CTSO: variants seen among roughly 807,000 people sequenced by gnomAD.
CTSO encodes the protein cathepsin O.
A neutral mutation model predicts 42.4 loss-of-function variants in CTSO; 40 were observed. The observed-to-expected ratio is 0.94, with a 90% CI of 0.73 to 1.23. The LOEUF (loss-of-function observed/expected upper bound fraction) is 1.23. CTSO is among the 50% of genes most tolerant of loss of function. The pLI, the probability that CTSO is intolerant of heterozygous loss-of-function variation, is 0.00. For missense variants in CTSO, 441 were observed against 396.0 expected, an observed-to-expected ratio of 1.11 and a Z score of -0.96; for synonymous variants, 156 against 146.2, an observed-to-expected ratio of 1.07 and a Z score of -0.48.
At chr4:155,939,922 A>G (rs116806467) in intron 3 of CTSO, among the ~76,000 whole-genome samples, 2,444 of 152,112 alleles carry the variant, frequency 0.016, 34 homozygotes, top group South Asian at 0.047. Context: ...TCCCGCCCCA[A>G]CCTTCCATCC....
rs142851384 is a variant in CTSO at position 155,929,631 on chromosome 4, C to T, written c.749G>A (p.Trp250Ter). Residue 250 changes from tryptophan (W) to a stop codon, truncating the protein, a stop_gained, in exon 6 of 8, where the codon TGG becomes TAG. Coordinates refer to ENST00000433477, the MANE Select transcript of CTSO (RefSeq NM_001334.3). LOFTEE classifies it high-confidence loss of function. ...TATAATGCCTCCCAGATAATCTTGC[C>T]AGCTCACTGCATCTACTATGACTAC... is the stretch of plus-strand genomic sequence containing the variant. ...PLVVIVDAVSWQDYLGGIIQH... is the reference protein window; with the variant it reads ...PLVVIVDAVS 15 of 1,613,944 alleles carry T rather than the reference C, an allele frequency of 9.3e-6. No homozygotes were observed. Among genetic ancestry groups the T allele is most frequent in the Non-Finnish European group, 1.2e-5 (14 of 1,179,986 alleles).
chr4:155,945,205 C>G (rs1039770011), intron 1 of CTSO, among the ~76,000 whole-genome samples: 1 of 151,626 alleles, frequency 6.6e-6, no homozygotes, highest in African/African-American at 2.4e-5. Context: ...TGCAGTGAGC[C>G]GAGATCACAG....
At chr4:155,948,619 G>C (rs1488314409) in intron 1 of CTSO, among the ~76,000 whole-genome samples, 1 of 152,166 alleles carries the variant, frequency 6.6e-6, no homozygotes, top group East Asian at 1.9e-4. Flanking sequence ...CATAAAACAG[G>C]ATAACTCTAT....
rs1259352776 is a variant in CTSO at position 155,939,545 on chromosome 4, A to AGG, written c.385-8_385-7insCC. ...AGGCCCAGCATCCTCCACACTGTTT[A>AGG]AAAACAGAAAAAGGGGTGGTATTTC... On this transcript the variant is annotated splice_polypyrimidine_tract_variant and splice_region_variant and intron_variant, in intron 3 of 7. Transcript: ENST00000433477. 6.3e-7 allele frequency: 1 copy of AGG among 1,598,044 alleles called. No homozygotes were observed. The highest frequency in any genetic ancestry group is 1.3e-5 in the African/African-American group (1 of 74,566).
chr4:155,949,343 A>T (rs1012323195), intron 1 of CTSO, among the ~76,000 whole-genome samples: 4 of 152,196 alleles, frequency 2.6e-5, no homozygotes, highest in African/African-American at 9.7e-5. Context: ...TTATCAGCTG[A>T]AAAGGCAGTG....
chr4:155,932,424 A>G (rs977522184), intron 5 of CTSO, among the ~76,000 whole-genome samples: 21 of 152,162 alleles, frequency 1.4e-4, no homozygotes, highest in African/African-American at 4.8e-4. Context: ...TTATTGAAGT[A>G]CAAAGGACCA....
In CTSO at chr4:155,925,007, C is replaced by G. The variant is rs1743105641; in HGVS notation, c.*1029G>C. 1 of 151,922 alleles carries G rather than the reference C, an allele frequency of 6.6e-6. No individual in the cohort carries two copies. Among genetic ancestry groups the G allele is most frequent in the Admixed American group, 6.6e-5 (1 of 15,228 alleles). The allele number at this position is 151,922 out of a possible 1,614,324, so 9.4% of individuals were successfully genotyped here. On this transcript the variant is annotated 3_prime_UTR_variant, in exon 8 of 8. Coordinates refer to ENST00000433477, the MANE Select transcript of CTSO (RefSeq NM_001334.3). ...GGAAAACTCACAGTTTGTTTGATAC[C>G]CAGGGTTAAGAGATGGGACTTTGAT...
chr4:155,929,490 G>T (rs1055713213), intron 6 of CTSO, 52 bp downstream of exon 6: 30 of 1,546,642 alleles, frequency 1.9e-5, no homozygotes, highest in East Asian at 4.5e-5. Context: ...TGATCATTTT[G>T]CACTCAGTGT....
intron 5 of CTSO, among the ~76,000 whole-genome samples, chr4:155,931,806 T>A (rs978172059): frequency 8.0e-5 from 12 of 150,890 alleles, no homozygotes; most frequent in African/African-American, 4.8e-5. Context: ...GAATTATTAT[T>A]ATAATTATTA....
rs564772578 is a variant in CTSO, at chr4:155,940,439, G to A, written c.385-901C>T. ...CAATTGGATATCTTTGCAGAGTTAAGTTTTGAGCAACTTTATGGCTTTAAG... is the reference window on the plus strand; with the variant it reads ...CAATTGGATATCTTTGCAGAGTTAAATTTTGAGCAACTTTATGGCTTTAAG... On this transcript the variant is annotated intron_variant, in intron 3 of 7. Transcript: ENST00000433477. Among the ~76,000 whole-genome samples, 4 of 151,858 alleles carry A rather than the reference G, an allele frequency of 2.6e-5. No individual in the cohort carries two copies. In the East Asian group the frequency reaches 7.8e-4, roughly 29 times the overall value.
chr4:155,947,550 T>C (rs1210140302), intron 1 of CTSO, among the ~76,000 whole-genome samples: 1 of 152,250 alleles, frequency 6.6e-6, no homozygotes, highest in Non-Finnish European at 1.5e-5. Flanking sequence ...AGAATATCTA[T>C]TCTCTTATTT....
At chr4:155,937,213 T>C in intron 5 of CTSO, 149 bp downstream of exon 5, 1 of 539,094 alleles carries the variant, frequency 1.9e-6, no homozygotes. Context: ...ATTTACAACA[T>C]TTCATTGTAA....
rs932018305 is a variant in CTSO at position 155,929,607 on chromosome 4, A to G, written c.773T>C (p.Ile258Thr). ...TTCTCCACTAGAGCAGTGATGCTGT[A>G]TAATGCCTCCCAGATAATCTTGCCA... ...VSWQDYLGGI[I>T]QHHCSSGEAN... The change falls in exon 6 of 8, where the codon ATA (isoleucine) becomes ACA (threonine). Residue 258 changes from isoleucine to threonine, a missense_variant. By Grantham distance (89) the Ile-to-Thr change is moderately conservative. Transcript: ENST00000433477. 6.2e-7 allele frequency: 1 copy of G among 1,614,008 alleles called. No homozygotes were observed. The highest frequency in any genetic ancestry group is 1.1e-5 in the South Asian group (1 of 91,046).
At chr4:155,937,327 G>A (rs1179352338) in intron 5 of CTSO, 35 bp downstream of exon 5, 1 of 1,525,748 alleles carries the variant, frequency 6.6e-7, no homozygotes, top group Non-Finnish European at 9.0e-7. Context: ...AATTAAAAAT[G>A]TATAAAGAAA....
At chr4:155,926,670 A>G (rs2110900042) in intron 7 of CTSO, among the ~76,000 whole-genome samples, 1 of 152,270 alleles carries the variant, frequency 6.6e-6, no homozygotes, top group South Asian at 2.1e-4. Flanking sequence ...TGTAACTTTC[A>G]GGGAATACTC....
intron 7 of CTSO, 93 bp from the exon 8 acceptor site, chr4:155,926,163 A>C (rs1284375766): frequency 1.2e-6 from 1 of 831,614 alleles, no homozygotes; most frequent in Non-Finnish European, 1.9e-6. Flanking sequence ...GTTCAGAAAG[A>C]GTATCTACTG....
At chr4:155,945,601 A>T (rs191949484) in intron 1 of CTSO, among the ~76,000 whole-genome samples, 1 of 152,336 alleles carries the variant, frequency 6.6e-6, no homozygotes, top group East Asian at 1.9e-4. Flanking sequence ...AGTAATACCA[A>T]TATTATCCTT....
intron 1 of CTSO, among the ~76,000 whole-genome samples, chr4:155,951,908 C>T (rs535383129): frequency 1.3e-4 from 20 of 152,266 alleles, no homozygotes; most frequent in Admixed American, 7.2e-4. Context: ...CCACTTCCCT[C>T]CTCCCGTCCA....
chr4:155,947,106 C>T (rs938594435), intron 1 of CTSO, among the ~76,000 whole-genome samples: 7 of 152,112 alleles, frequency 4.6e-5, no homozygotes, highest in African/African-American at 7.2e-5. Flanking sequence ...GTGGTCTGCC[C>T]GCCTCAGCCT....
Sources: gnomAD v4.1 joint callset for allele counts (sites outside exome capture counted in the v4.1 genomes callset) on GRCh38, gnomAD v4.1.1 for gene constraint, MANE v1.5 for transcripts, NCBI Gene and HGNC (gene_info 2026-07-23, HGNC 2026-07-21) for gene names.